CUX1: variants seen among roughly 807,000 people sequenced by gnomAD.
CUX1 encodes the protein cut like homeobox 1.
In CUX1, 31 loss-of-function variants were observed where a neutral mutation model predicts 158.8. That is an observed-to-expected ratio of 0.20 (90% CI 0.15 to 0.26). The LOEUF (loss-of-function observed/expected upper bound fraction) is 0.26, where lower values mean the gene tolerates loss of function less well. Ranked by LOEUF, CUX1 falls within the 10% of genes least tolerant of loss-of-function variation. The pLI is 1.00. For missense variants in CUX1, 1,589 were observed against 2,014.6 expected (o/e 0.79, Z 4.04); for synonymous variants, 879 against 862.1 (o/e 1.02, Z -0.34).
chr7:101,980,523 A>C (rs992104943), intron 2 of CUX1, among the ~76,000 whole-genome samples: 7 of 152,176 alleles, frequency 4.6e-5, no homozygotes, highest in African/African-American at 1.4e-4. Context: ...TAAAACAATA[A>C]AAATCTTCAT....
intron 1 of CUX1, among the ~76,000 whole-genome samples, chr7:101,857,534 G>A (rs1045165921): frequency 1.3e-5 from 2 of 152,206 alleles, no homozygotes; most frequent in Non-Finnish European, 2.9e-5. Context: ...CAGGTGAAGC[G>A]AGGATGGGGT....
chr7:102,233,560 GT>G (rs1315011258), intron 21 of CUX1, among the ~76,000 whole-genome samples: 2 of 152,276 alleles, frequency 1.3e-5, no homozygotes, highest in African/African-American at 4.8e-5. Context: ...GCTGATGGGG[GT>G]GGATCACCTG....
At chr7:102,200,954 T>C (rs1483607627) in intron 17 of CUX1, among the ~76,000 whole-genome samples, 1 of 116,648 alleles carries the variant, frequency 8.6e-6, no homozygotes, top group African/African-American at 3.4e-5. Context: ...GCCAGGGAGG[T>C]GGAGGGTGGG....
intron 2 of CUX1, among the ~76,000 whole-genome samples, chr7:101,984,168 G>T (rs2129224688): frequency 7.2e-6 from 1 of 139,168 alleles, no homozygotes; most frequent in East Asian, 2.0e-4. Context: ...GTGTGTGTGT[G>T]TGTGTGTTAG....
downstream of CUX1, among the ~76,000 whole-genome samples, chr7:102,260,689 G>T (rs1457357907): frequency 6.7e-6 from 1 of 149,790 alleles, no homozygotes; most frequent in Non-Finnish European, 1.5e-5. Flanking sequence ...CTCCCAAAGT[G>T]CTGGGATTAC....
At chr7:102,151,642 C>T (rs1025411470) in intron 8 of CUX1, among the ~76,000 whole-genome samples, 1 of 142,962 alleles carries the variant, frequency 7.0e-6, no homozygotes, top group African/African-American at 2.6e-5. Context: ...GCAGGAGAGT[C>T]ACTTGAACTG....
chr7:102,197,375 C>A, intron 15 of CUX1, 70 bp downstream of exon 15: 1 of 1,478,592 alleles, frequency 6.8e-7, no homozygotes, highest in Non-Finnish European at 9.3e-7. Flanking sequence ...TGTGTGCATG[C>A]GTGCGTGTGT....
chr7:102,186,590 TATATA>T (rs782401875), intron 11 of CUX1, among the ~76,000 whole-genome samples: 57 of 138,742 alleles, frequency 4.1e-4, no homozygotes, highest in Admixed American at 8.4e-4. Context: ...TATATATATA[TATATA>T]TTTTTTTTTA....
At chr7:102,214,343 GCAA>G (rs1296082082) in intron 20 of CUX1, among the ~76,000 whole-genome samples, 3 of 151,942 alleles carry the variant, frequency 2.0e-5, no homozygotes, top group South Asian at 4.2e-4. Context: ...GAGCAACATA[GCAA>G]GACCCCATCT....
chr7:102,259,691 A>G (rs797033359), downstream of CUX1, among the ~76,000 whole-genome samples: 11 of 151,250 alleles, frequency 7.3e-5, no homozygotes, highest in African/African-American at 2.7e-4. Context: ...TAGTTTAGGT[A>G]TGCCCCTATG....
chr7:101,876,472 G>A (rs998199726), intron 1 of CUX1, among the ~76,000 whole-genome samples: 1 of 151,792 alleles, frequency 6.6e-6, no homozygotes, highest in Non-Finnish European at 1.5e-5. Context: ...CAAGGCAGGC[G>A]GATCACGAGA....
chr7:101,955,273 C>T (rs959568105), intron 2 of CUX1, among the ~76,000 whole-genome samples: 12 of 152,148 alleles, frequency 7.9e-5, no homozygotes, highest in African/African-American at 2.9e-4. Flanking sequence ...TGCTGTGACA[C>T]AGGTGATCTG....
At chr7:102,275,340 G>T (rs1032525805) in exon 17 of CUX1, 30 of 1,612,698 alleles carry the variant, frequency 1.9e-5, no homozygotes, top group Non-Finnish European at 2.3e-5. Context: ...TTCCGTGCCC[G>T]GAACCAGGAG....
chr7:102,072,674 C>T (rs755287158), intron 4 of CUX1, among the ~76,000 whole-genome samples: 1 of 152,090 alleles, frequency 6.6e-6, no homozygotes, highest in African/African-American at 2.4e-5. Context: ...GTTTTTCCTT[C>T]GATTTAGTTC....
intron 1 of CUX1, among the ~76,000 whole-genome samples, chr7:101,865,740 C>T (rs898516373): frequency 3.3e-5 from 5 of 152,206 alleles, no homozygotes; most frequent in African/African-American, 9.7e-5. Flanking sequence ...CACCACGGGA[C>T]GTGCGCACTC....
At position 101,869,073 on chromosome 7, in the gene CUX1, G is replaced by A. The variant is rs1798211197; in HGVS notation, c.31-47042G>A. Among the ~76,000 whole-genome samples, 1 of 133,952 alleles carries A rather than the reference G, an allele frequency of 7.5e-6. No homozygotes were observed. Among genetic ancestry groups the A allele is most frequent in the Non-Finnish European group, 1.6e-5 (1 of 61,882 alleles). The allele number at this position is 133,952 out of a possible 152,430, so 87.9% of individuals were successfully genotyped here. ...GAGACTTCCTGGCTTCCGAGGGCGG[G>A]CGAGGGGGCAAAGGGCCTGGGGCAT... On this transcript the variant is annotated intron_variant, in intron 1 of 23. Coordinates refer to ENST00000292535, the MANE Select transcript of CUX1 (RefSeq NM_181552.4). The surrounding 1 kb of genome is among the most constrained non-coding windows in gnomAD (Gnocchi z 4.5).
chr7:102,104,552 A>T, intron 6 of CUX1, 93 bp downstream of exon 6: 1 of 1,513,808 alleles, frequency 6.6e-7, no homozygotes, highest in East Asian at 2.3e-5. Flanking sequence ...TCTGCAAAAT[A>T]AGCCCAGGTT....
chr7:101,820,568 A>G (rs1020592397), intron 1 of CUX1, among the ~76,000 whole-genome samples: 1 of 152,236 alleles, frequency 6.6e-6, no homozygotes, highest in Non-Finnish European at 1.5e-5. Flanking sequence ...TAATTGCTCT[A>G]TGAAAAGTGA....
At chr7:101,996,997 G>A (rs371337973) in intron 2 of CUX1, among the ~76,000 whole-genome samples, 2 of 152,046 alleles carry the variant, frequency 1.3e-5, no homozygotes, top group African/African-American at 4.8e-5. Context: ...ACTCCCCTGC[G>A]CTCGTGTGCA....
Sources: allele counts gnomAD v4.1 joint callset (sites outside exome capture counted in the v4.1 genomes callset), GRCh38; gene constraint gnomAD v4.1.1; non-coding constraint Gnocchi (gnomAD v3.1); transcripts MANE v1.5; gene names NCBI Gene and HGNC (gene_info 2026-07-23, HGNC 2026-07-21).